DDX50: variants seen among roughly 807,000 people sequenced by gnomAD.
DDX50 encodes ATP-dependent RNA helicase DDX50.
In DDX50, 56 loss-of-function variants were observed where a neutral mutation model predicts 94.8. The observed-to-expected ratio is 0.59, with a 90% CI of 0.48 to 0.74. The LOEUF (loss-of-function observed/expected upper bound fraction) is 0.74. Ranked by LOEUF, DDX50 falls within the 30% of genes least tolerant of loss-of-function variation. The pLI is 0.00. For synonymous variants in DDX50, 264 were observed against 295.4 expected (o/e 0.89, Z 1.09); for missense variants, 713 against 881.2 (o/e 0.81, Z 2.42).
chr10:68,901,622 G>A, intron 1 of DDX50, 151 bp downstream of exon 1: 1 of 812,672 alleles, frequency 1.2e-6, no homozygotes, highest in Admixed American at 3.2e-5. Flanking sequence ...GGGTCGCTCA[G>A]GGACCGTTTC....
intron 8 of DDX50, among the ~76,000 whole-genome samples, chr10:68,920,726 G>A (rs1841917402): frequency 1.3e-5 from 2 of 151,730 alleles, no homozygotes; most frequent in Admixed American, 1.3e-4. Flanking sequence ...TGGGTGGATC[G>A]CCTGATGTCA....
chr10:68,922,387 A>G (rs946419273), intron 8 of DDX50, among the ~76,000 whole-genome samples: 8 of 152,198 alleles, frequency 5.3e-5, no homozygotes, highest in Middle Eastern at 3.2e-3. Flanking sequence ...TCTTTCTAGT[A>G]TAGTCTTAAT....
chr10:68,946,207 C>A, intron 14 of DDX50, 145 bp from the exon 15 acceptor site: 1 of 974,738 alleles, frequency 1.0e-6, no homozygotes, highest in Non-Finnish European at 1.4e-6. Flanking sequence ...TGCTTATTTT[C>A]TGGTTTTCAT....
chr10:68,927,324 G>A (rs1842118834), intron 8 of DDX50, among the ~76,000 whole-genome samples: 3 of 151,658 alleles, frequency 2.0e-5, no homozygotes, highest in African/African-American at 7.3e-5. Context: ...TCTTAACTTG[G>A]GTTATATGAT....
At position 68,906,699 on chromosome 10, in the gene DDX50, GT is replaced by G. The variant is rs772540530; in HGVS notation, c.88-9del. On this transcript the variant is annotated splice_polypyrimidine_tract_variant and intron_variant, in intron 1 of 14. Transcript: ENST00000373585. Reference sequence around the variant, plus strand: ...CTGACCATCTTGTCATTGCTTCTTTGTTTGTTCACAGAGTGACAGAAGGAAG... The same window carrying G: ...CTGACCATCTTGTCATTGCTTCTTTGTTGTTCACAGAGTGACAGAAGGAAG... 19 of 1,595,404 alleles carry G rather than the reference GT, an allele frequency of 1.2e-5. No individual in the cohort carries two copies. Among genetic ancestry groups the G allele is most frequent in the Non-Finnish European group, 1.6e-5 (19 of 1,175,766 alleles).
At position 68,913,262 on chromosome 10, in the gene DDX50, C is replaced by T. The variant is rs116312897; in HGVS notation, c.740C>T (p.Thr247Ile). ...AGCGTGGCGTGTTTTTATGGTGGAA[C>T]ATCATATCAAAGCCAAAGTGAGTAA... ...KLSVACFYGG[T>I]SYQSQINHIR... Residue 247 changes from threonine (T) to isoleucine (I), a missense_variant, in exon 5 of 15, where the codon ACA becomes ATA. This residue lies in a region of DDX50 where 428 missense variants were observed against 602.3 expected (regional missense o/e 0.71). Transcript: ENST00000373585. 13 of 1,612,594 alleles carry T rather than the reference C, an allele frequency of 8.1e-6. No homozygotes were observed. In the East Asian group the frequency reaches 2.9e-4, roughly 36 times the overall value.
intron 8 of DDX50, among the ~76,000 whole-genome samples, chr10:68,933,818 C>A (rs1842333361): frequency 2.0e-5 from 3 of 151,830 alleles, no homozygotes; most frequent in Admixed American, 2.0e-4. Flanking sequence ...ACCTGTAATC[C>A]CAGCTACTCG....
rs530852155 is a variant in DDX50, at chr10:68,931,557, C to T, written c.1240-2642C>T. Among the ~76,000 whole-genome samples, 16 of 150,962 alleles carry T rather than the reference C, an allele frequency of 1.1e-4. No homozygotes were observed. The East Asian group carries it at 3.1e-3, about 30-fold the overall frequency. Reference sequence around the variant, plus strand: ...CCGGTTTCCAGTGATTCTCCTGCCTCAGCCTCCCAAGTAGCTAGGATTACA... The same window carrying T: ...CCGGTTTCCAGTGATTCTCCTGCCTTAGCCTCCCAAGTAGCTAGGATTACA... On this transcript the variant is annotated intron_variant, in intron 8 of 14. Transcript: ENST00000373585.
rs1841338348 is a variant in DDX50 at position 68,903,141 on chromosome 10, A to G, written c.87+1670A>G. On this transcript the variant is annotated intron_variant, in intron 1 of 14. Coordinates refer to ENST00000373585, the MANE Select transcript of DDX50 (RefSeq NM_024045.2). The stretch of plus-strand genomic sequence containing the variant: ...GTCTGGTGGCTAGCTGCAGTGGCTC[A>G]TGCCTGTAATCCTAGCACTTTGGGA... Among the ~76,000 whole-genome samples, 4 of 152,342 alleles carry G rather than the reference A, an allele frequency of 2.6e-5. No individual in the cohort carries two copies. In the South Asian group the frequency reaches 8.3e-4, roughly 32 times the overall value.
intron 8 of DDX50, among the ~76,000 whole-genome samples, chr10:68,924,880 G>C (rs1842040068): frequency 6.6e-6 from 1 of 152,004 alleles, no homozygotes; most frequent in Non-Finnish European, 1.5e-5. Flanking sequence ...AATCCCTGCA[G>C]ACCTTAACTC....
chr10:68,905,845 G>A (rs533449288), intron 1 of DDX50, among the ~76,000 whole-genome samples: 3 of 152,264 alleles, frequency 2.0e-5, no homozygotes, highest in Admixed American at 6.5e-5. Context: ...CCCGGGAGGC[G>A]GAGGCTGTAG....
rs147984325 is a variant in DDX50 at position 68,936,984 on chromosome 10, A to G, written c.1644A>G (p.Ser548=). ...SYAAVDFFRP[S]AQRLIEEKGA... ...CTGCTGTTGATTTTTTCCGACCATC[A>G]GCTCAGAGACTGATAGAAGAGAAAG... is the stretch of plus-strand genomic sequence containing the variant. Residue 548 remains serine (S), a synonymous_variant, in exon 12 of 15, where the codon TCA becomes TCG. Transcript: ENST00000373585. The G allele has an allele frequency of 2.2e-5, 35 of 1,610,112 alleles. No individual in the cohort carries two copies. In the African/African-American group the frequency reaches 4.3e-4, roughly 20 times the overall value.
chr10:68,910,443 C>T, intron 3 of DDX50, 61 bp downstream of exon 3: 1 of 1,442,386 alleles, frequency 6.9e-7, no homozygotes, highest in Non-Finnish European at 9.4e-7. Context: ...CGCTCTGTTG[C>T]CCAGGCTGGA....
chr10:68,929,283 TCCTTCCTTCCTC>T (rs1372662734), intron 8 of DDX50, among the ~76,000 whole-genome samples: 4 of 77,930 alleles, frequency 5.1e-5, no homozygotes, highest in African/African-American at 1.7e-4. Flanking sequence ...CTTCCTTCCT[TCCTTCCTTCCTC>T]TCTCTCTCTC....
chr10:68,919,083 C>T (rs1841878564), intron 7 of DDX50, among the ~76,000 whole-genome samples: 1 of 152,098 alleles, frequency 6.6e-6, no homozygotes, highest in Admixed American at 6.5e-5. Flanking sequence ...AGCCTAGGTG[C>T]GTGTAGTAGG....
In DDX50 at chr10:68,901,316, C is replaced by A. The variant is rs375977620; in HGVS notation, c.-69C>A. 12 of 1,446,320 alleles carry A rather than the reference C, an allele frequency of 8.3e-6. No individual in the cohort carries two copies. Among genetic ancestry groups the A allele is most frequent in the Non-Finnish European group, 1.1e-5 (12 of 1,086,036 alleles). The allele number at this position is 1,446,320 out of a possible 1,614,324, so 89.6% of individuals were successfully genotyped here. ...CGGGCGGCCGCCTTGCCCCCGCTTC[C>A]TTTCACGCTGTCGCTGCCCGTAGGT... On this transcript the variant is annotated 5_prime_UTR_variant, in exon 1 of 15. Transcript: ENST00000373585.
chr10:68,932,561 G>A (rs1217233661), intron 8 of DDX50, among the ~76,000 whole-genome samples: 1 of 152,074 alleles, frequency 6.6e-6, no homozygotes, highest in South Asian at 2.1e-4. Context: ...AGCCTGGCCT[G>A]ATCATTGTTA....
At chr10:68,913,776 A>G (rs1841704658) in intron 6 of DDX50, among the ~76,000 whole-genome samples, 200 bp downstream of exon 6, 1 of 151,950 alleles carries the variant, frequency 6.6e-6, no homozygotes, top group Non-Finnish European at 1.5e-5. Context: ...GCTTTATTCT[A>G]TTTTTTTATA....
intron 8 of DDX50, among the ~76,000 whole-genome samples, chr10:68,932,708 A>T (rs2132052922): frequency 6.6e-6 from 1 of 152,354 alleles, no homozygotes; most frequent in Admixed American, 6.5e-5. Flanking sequence ...ATGAAGATCT[A>T]CCTAATATAA....
Sources: gnomAD v4.1 joint callset for allele counts (sites outside exome capture counted in the v4.1 genomes callset) on GRCh38, gnomAD v4.1.1 for gene constraint, gnomAD v4.1.1 regional missense constraint, MANE v1.5 for transcripts, NCBI Gene and HGNC (gene_info 2026-07-23, HGNC 2026-07-21) for gene names.